DCC: variants seen among roughly 807,000 people sequenced by gnomAD.
DCC encodes the protein netrin receptor DCC.
A neutral mutation model predicts 172.5 loss-of-function variants in DCC; 58 were observed. That is an observed-to-expected ratio of 0.34 (90% confidence interval 0.27 to 0.42). The LOEUF is 0.42. Among genes scored for constraint, DCC ranks in the 10% least tolerant of loss-of-function variants. The pLI, the probability that DCC is intolerant of heterozygous loss-of-function variation, is 1.00. For synonymous variants in DCC, 709 were observed against 644.5 expected (o/e 1.10, Z -1.52); for missense variants, 1,740 against 1,791.0 (o/e 0.97, Z 0.51).
Position 52,525,202 on chromosome 18 carries a change from C to T in DCC, c.91+184324C>T, listed in dbSNP as rs1011428240. 2.6e-5 allele frequency among the ~76,000 whole-genome samples: 4 copies of T among 152,146 alleles called. No individual in the cohort carries two copies. In the East Asian group the frequency reaches 5.8e-4, roughly 22 times the overall value. ...CTGTGGTCCTGATTTGAAACCAAAG[C>T]TTTCTATGTCCCCTATAGCCACTAG... On this transcript the variant is annotated intron_variant, in intron 1 of 28. Coordinates refer to ENST00000442544, the MANE Select transcript of DCC (RefSeq NM_005215.4).
intron 2 of DCC, among the ~76,000 whole-genome samples, chr18:52,868,053 A>ATGTG (rs1555675518): frequency 0.011 from 1,565 of 144,322 alleles, 30 homozygotes; most frequent in African/African-American, 0.037. Flanking sequence ...ATATATATAT[A>ATGTG]TGTGTGTGTG....
chr18:52,596,348 A>G lies in DCC; in HGVS notation c.92-155706A>G, dbSNP rs182317219. On this transcript the variant is annotated intron_variant, in intron 1 of 28. Transcript: ENST00000442544. The stretch of plus-strand genomic sequence containing the variant: ...TTCAAGTGGTGATCTAAATTAGACT[A>G]ACTCACTGGTGAGTTCAACAGTGGT... Among the ~76,000 whole-genome samples the G allele has an allele frequency of 4.0e-3, 613 of 152,284 alleles. 3 individuals are homozygous for G. The highest frequency in any genetic ancestry group is 4.5e-3 in the Non-Finnish European group (306 of 68,024).
intron 7 of DCC, among the ~76,000 whole-genome samples, chr18:53,126,231 C>A (rs1046742813): frequency 6.6e-6 from 1 of 152,078 alleles, no homozygotes; most frequent in Non-Finnish European, 1.5e-5. Context: ...TGCATAGTAA[C>A]ATAAGACTTC....
intron 1 of DCC, among the ~76,000 whole-genome samples, chr18:52,713,165 G>A (rs1052331350): frequency 3.3e-5 from 5 of 152,160 alleles, no homozygotes; most frequent in African/African-American, 1.2e-4. Flanking sequence ...GCTTCTCTAG[G>A]TCAGTTCTTT....
chr18:53,402,925 C>T (rs755699962), intron 19 of DCC, 32 bp downstream of exon 19: 2 of 1,478,306 alleles, frequency 1.4e-6, no homozygotes, highest in Non-Finnish European at 1.9e-6. Flanking sequence ...CCCAGCATAG[C>T]TCTCCCTTGT....
At chr18:53,161,444 G>A (rs1474159090) in intron 8 of DCC, among the ~76,000 whole-genome samples, 2 of 151,996 alleles carry the variant, frequency 1.3e-5, no homozygotes, top group Non-Finnish European at 1.5e-5. Context: ...TATCTGATCT[G>A]CACATATCAA....
chr18:53,298,912 A>T (rs2144765710), intron 12 of DCC, among the ~76,000 whole-genome samples: 1 of 152,300 alleles, frequency 6.6e-6, no homozygotes, highest in South Asian at 2.1e-4. Flanking sequence ...ACAGTTGGGA[A>T]GTCTTCCATT....
intron 26 of DCC, among the ~76,000 whole-genome samples, chr18:53,495,281 A>C (rs2046006025): frequency 6.6e-6 from 1 of 151,438 alleles, no homozygotes; most frequent in African/African-American, 2.4e-5. Context: ...AATCCCAGCT[A>C]CTCAGGAGGC....
intron 27 of DCC, among the ~76,000 whole-genome samples, chr18:53,502,779 C>T (rs1370772029): frequency 6.6e-6 from 1 of 151,940 alleles, no homozygotes; most frequent in East Asian, 1.9e-4. Context: ...ACTTTGAAAG[C>T]TTTGAGATTA....
At chr18:52,999,388 G>A (rs1445044426) in intron 5 of DCC, among the ~76,000 whole-genome samples, 1 of 152,012 alleles carries the variant, frequency 6.6e-6, no homozygotes, top group African/African-American at 2.4e-5. Flanking sequence ...TAACCCTTGG[G>A]ATAGAATATT....
At chr18:53,143,853 G>T (rs1175260895) in intron 7 of DCC, among the ~76,000 whole-genome samples, 1 of 152,202 alleles carries the variant, frequency 6.6e-6, no homozygotes, top group South Asian at 2.1e-4. Flanking sequence ...AGCCACAGGT[G>T]CGAGAATGAT....
intron 25 of DCC, among the ~76,000 whole-genome samples, chr18:53,472,972 A>AT (rs1179283315): frequency 6.6e-6 from 1 of 152,198 alleles, no homozygotes; most frequent in Non-Finnish European, 1.5e-5. Context: ...TGATCCACAA[A>AT]TATGCACTGT....
intron 1 of DCC, among the ~76,000 whole-genome samples, chr18:52,702,274 G>A (rs1221532496): frequency 2.0e-5 from 3 of 152,080 alleles, no homozygotes; most frequent in Non-Finnish European, 4.4e-5. Flanking sequence ...ACTTGTTATA[G>A]TTGTCCACCA....
At chr18:53,333,316 C>T (rs1034062339) in intron 14 of DCC, among the ~76,000 whole-genome samples, 3 of 152,170 alleles carry the variant, frequency 2.0e-5, no homozygotes, top group Non-Finnish European at 4.4e-5. Flanking sequence ...GTGGGTATAT[C>T]AATTGCCTTA....
chr18:52,754,468 A>T (rs1170413563), intron 2 of DCC, among the ~76,000 whole-genome samples: 1 of 152,188 alleles, frequency 6.6e-6, no homozygotes, highest in Non-Finnish European at 1.5e-5. Context: ...CCGTTATAAA[A>T]GTAACCACAG....
chr18:52,381,731 A>G (rs1212838024), intron 1 of DCC, among the ~76,000 whole-genome samples: 1 of 152,046 alleles, frequency 6.6e-6, no homozygotes, highest in Non-Finnish European at 1.5e-5. Context: ...GTCTGCTTTC[A>G]CTGGGGCGGC....
At chr18:52,587,710 C>T (rs1326007821) in intron 1 of DCC, among the ~76,000 whole-genome samples, 2 of 152,212 alleles carry the variant, frequency 1.3e-5, no homozygotes, top group Non-Finnish European at 2.9e-5. Flanking sequence ...CACTTTCCTT[C>T]AGGAATGTCC....
At chr18:53,522,139 A>G (rs1409117092) in intron 27 of DCC, among the ~76,000 whole-genome samples, 1 of 152,154 alleles carries the variant, frequency 6.6e-6, no homozygotes, top group Non-Finnish European at 1.5e-5. Flanking sequence ...TTATGCCTTC[A>G]CTTAAATAAT....
At chr18:52,392,380 C>T (rs1218916263) in intron 1 of DCC, among the ~76,000 whole-genome samples, 2 of 152,096 alleles carry the variant, frequency 1.3e-5, no homozygotes, top group African/African-American at 2.4e-5. Flanking sequence ...TTGGATGATA[C>T]ATTGCCACAT....
Sources: allele counts gnomAD v4.1 joint callset (sites outside exome capture counted in the v4.1 genomes callset), GRCh38; gene constraint gnomAD v4.1.1; transcripts MANE v1.5; gene names NCBI Gene and HGNC (gene_info 2026-07-23, HGNC 2026-07-21).